DMRT3: variants seen among roughly 807,000 people sequenced by gnomAD.
The protein encoded by DMRT3 is doublesex- and mab-3-related transcription factor 3.
In DMRT3, 29 loss-of-function variants were observed where a neutral mutation model predicts 34.9. The observed-to-expected ratio is 0.83, with a 90% CI of 0.62 to 1.13. The LOEUF is 1.13. Among genes scored for constraint, DMRT3 ranks in the 50% most tolerant of loss-of-function variants. The pLI, the probability that DMRT3 is intolerant of heterozygous loss-of-function variation, is 0.00. For missense variants in DMRT3, 772 were observed against 629.1 expected (o/e 1.23, Z -2.43); for synonymous variants, 350 against 286.0 (o/e 1.22, Z -2.26).
At chr9:980,060 A>G (rs72701091) in intron 1 of DMRT3, among the ~76,000 whole-genome samples, 3,608 of 151,432 alleles carry the variant, frequency 0.024, 150 homozygotes, top group African/African-American at 0.082. Flanking sequence ...GGGGCAAAGG[A>G]CCTCTTTAAT....
rs1288275454 is a variant in DMRT3 at position 977,146 on chromosome 9, C to A, written c.145C>A (p.Arg49Ser). The A allele has an allele frequency of 6.8e-6, 11 of 1,611,526 alleles. No individual in the cohort carries two copies. The highest frequency in any genetic ancestry group is 9.3e-6 in the Non-Finnish European group (11 of 1,179,138). Residue 49 changes from arginine to serine, a missense_variant, in exon 1 of 2, where the codon CGC (arginine) becomes AGC (serine). Physicochemically the swap from Arg to Ser is moderately radical, Grantham distance 110. Transcript: ENST00000190165. ...GCTCAAGGGCCACAAGCGTTACTGC[C>A]GCTTCAAGGACTGCACCTGCGAGAA... The part of the protein sequence containing the change: ...SWLKGHKRYC[R>S]FKDCTCEKCI...
At chr9:981,710 T>C (rs1290987237) in intron 1 of DMRT3, among the ~76,000 whole-genome samples, 1 of 151,858 alleles carries the variant, frequency 6.6e-6, no homozygotes, top group Non-Finnish European at 1.5e-5. Flanking sequence ...CCACAGCGGG[T>C]TCAAAGTAGG....
intron 1 of DMRT3, among the ~76,000 whole-genome samples, chr9:987,669 T>TAG (rs930332657): frequency 6.6e-6 from 1 of 152,184 alleles, no homozygotes; most frequent in African/African-American, 2.4e-5. Flanking sequence ...GTGTGGGTCT[T>TAG]ACACTTCTTG....
intron 1 of DMRT3, among the ~76,000 whole-genome samples, chr9:986,344 G>C (rs891034413): frequency 1.3e-5 from 2 of 150,276 alleles, no homozygotes; most frequent in Non-Finnish European, 3.0e-5. Flanking sequence ...AAAAAAAAAA[G>C]CCTCCATTTT....
Position 976,661 on chromosome 9 carries a change from G to A in DMRT3, c.-341G>A, listed in dbSNP as rs1430573650. Among the ~76,000 whole-genome samples the A allele has an allele frequency of 6.6e-6, 1 of 152,230 alleles. No homozygotes were observed. Among genetic ancestry groups the A allele is most frequent in the African/African-American group, 2.4e-5 (1 of 41,466 alleles). The stretch of plus-strand genomic sequence containing the variant: ...GCCGGCTCACGAGGGAGCTGCAGAA[G>A]AGCTGGCTCAGACCTTAATCAGAGC... On this transcript the variant is annotated 5_prime_UTR_variant, in exon 1 of 2. Transcript: ENST00000190165. This position sits in a 1 kb window ranked among gnomAD's most constrained non-coding sequence, Gnocchi z 4.5.
chr9:977,609 T>G (rs1433950040), intron 1 of DMRT3, among the ~76,000 whole-genome samples, 154 bp downstream of exon 1: 1 of 151,328 alleles, frequency 6.6e-6, no homozygotes, highest in African/African-American at 2.4e-5. Flanking sequence ...GGGCTTCCTC[T>G]CCCGGGAGAA....
At chr9:981,453 G>A (rs1820219391) in intron 1 of DMRT3, among the ~76,000 whole-genome samples, 2 of 152,202 alleles carry the variant, frequency 1.3e-5, no homozygotes, top group African/African-American at 4.8e-5. Context: ...TTTTAAGACA[G>A]CTTGATTTGA....
At chr9:978,642 C>G (rs1820180645) in intron 1 of DMRT3, among the ~76,000 whole-genome samples, 1 of 152,216 alleles carries the variant, frequency 6.6e-6, no homozygotes, top group African/African-American at 2.4e-5. Context: ...GTGAGGCGGA[C>G]TCACCTGTTT....
intron 1 of DMRT3, among the ~76,000 whole-genome samples, chr9:983,908 G>GTTTT (rs33987544): frequency 6.4e-4 from 90 of 141,380 alleles, no homozygotes; most frequent in African/African-American, 1.8e-3. Flanking sequence ...AGCATGGCTA[G>GTTTT]TTTTTTTTTT....
rs774659492 is a variant in DMRT3, at chr9:990,558, G to T, written c.972G>T (p.Ser324=). Residue 324 remains serine, a synonymous_variant, in exon 2 of 2, where the codon TCG becomes TCT. Coordinates refer to ENST00000190165, the MANE Select transcript of DMRT3 (RefSeq NM_021240.4). ...ACACCTTGAGCTCCTACCCCATCTC[G>T]TCTTCCAAATGGTCTGTGGGATCAG... ...FEHTLSSYPI[S]SSKWSVGSAF... The T allele has an allele frequency of 6.2e-7, 1 of 1,613,854 alleles. No individual in the cohort carries two copies. The highest frequency in any genetic ancestry group is 2.2e-5 in the East Asian group (1 of 44,864).
At chr9:982,884 C>G (rs1044373266) in intron 1 of DMRT3, among the ~76,000 whole-genome samples, 1 of 152,176 alleles carries the variant, frequency 6.6e-6, no homozygotes, top group Non-Finnish European at 1.5e-5. Context: ...GTTGCAGCCC[C>G]TTAGCCATTA....
chr9:990,501 AGCGTT>A lies in DMRT3; in HGVS notation c.918_922del (p.Pro308GlnfsTer6), dbSNP rs1563690588. On this transcript the variant is annotated frameshift_variant, in exon 2 of 2. Transcript: ENST00000190165. LOFTEE classifies it high-confidence loss of function. ...GAACTTCCGCAGAACCTGAGAGTCT[AGCGTT>A]GCCCTCCAATGGGCACATCTTTGAA... 6.2e-7 allele frequency: 1 copy of A among 1,614,168 alleles called. No individual in the cohort carries two copies. The highest frequency in any genetic ancestry group is 2.2e-5 in the East Asian group (1 of 44,880).
intron 1 of DMRT3, among the ~76,000 whole-genome samples, chr9:983,937 C>T (rs1213940117): frequency 1.3e-5 from 2 of 148,884 alleles, no homozygotes; most frequent in Non-Finnish European, 3.0e-5. Context: ...CTTTTCACAA[C>T]CCTCCCCAAC....
intron 1 of DMRT3, among the ~76,000 whole-genome samples, chr9:982,700 C>T (rs1443641478): frequency 6.6e-6 from 1 of 152,180 alleles, no homozygotes; most frequent in Non-Finnish European, 1.5e-5. Flanking sequence ...AATCAAAGTC[C>T]CTGGAGGACT....
intron 1 of DMRT3, 29 bp from the exon 2 acceptor site, chr9:990,012 A>G (rs766876143): frequency 3.7e-6 from 6 of 1,609,780 alleles, no homozygotes; most frequent in Non-Finnish European, 5.1e-6. Flanking sequence ...ACACCAGGAA[A>G]AGATTAACTC....
In DMRT3 at chr9:990,940, A is replaced by C. The variant is rs766710625; in HGVS notation, c.1354A>C (p.Thr452Pro). 30 of 1,613,898 alleles carry C rather than the reference A, an allele frequency of 1.9e-5. No individual in the cohort carries two copies. The African/African-American group carries it at 3.6e-4, about 19-fold the overall frequency. ...CPFVSKQSIY[T>P]EDDYDERSDS... Reference sequence around the variant, plus strand: ...ATTTGTGTCAAAGCAGTCCATTTACACCGAGGACGACTATGACGAGAGGTC... The same window carrying C: ...ATTTGTGTCAAAGCAGTCCATTTACCCCGAGGACGACTATGACGAGAGGTC... The change falls in exon 2 of 2, where the codon ACC (threonine) becomes CCC (proline). Residue 452 changes from threonine (T) to proline (P), a missense_variant. By Grantham distance (38) the Thr-to-Pro change is conservative. Coordinates refer to ENST00000190165, the MANE Select transcript of DMRT3 (RefSeq NM_021240.4).
rs778998093 is a variant in DMRT3, at chr9:990,125, C to G, written c.539C>G (p.Ser180Cys). The change falls in exon 2 of 2, where the codon TCC becomes TGC. Residue 180 changes from serine to cysteine, a missense_variant. Physicochemically the swap from Ser to Cys is moderately radical, Grantham distance 112. Coordinates refer to ENST00000190165, the MANE Select transcript of DMRT3 (RefSeq NM_021240.4). ...FSDKDTDQRS[S>C]PDVAKSKGCF... is the part of the protein sequence containing the mutation. ...GACAAAGACACTGACCAGAGGAGTT[C>G]CCCAGATGTGGCAAAGAGTAAGGGC... The G allele has an allele frequency of 6.2e-7, 1 of 1,614,012 alleles. No homozygotes were observed. The highest frequency in any genetic ancestry group is 1.1e-5 in the South Asian group (1 of 91,070).
chr9:977,310 C>CGCCGCCGCCCCGCA lies in DMRT3; in HGVS notation c.310_311insCCGCCGCCCCGCAG (p.Val104AlafsTer55). ...CAGGGCCCCCGCCGCCGGGGGACGC[C>CGCCGCCGCCCCGCA]GTCGCCGCCCCGCAGCCGCCGCCAG... On this transcript the variant is annotated frameshift_variant, in exon 1 of 2. Coordinates refer to ENST00000190165, the MANE Select transcript of DMRT3 (RefSeq NM_021240.4). LOFTEE classifies it high-confidence loss of function. 1 of 1,331,060 alleles carries CGCCGCCGCCCCGCA rather than the reference C, an allele frequency of 7.5e-7. No individual in the cohort carries two copies. The highest frequency in any genetic ancestry group is 9.6e-7 in the Non-Finnish European group (1 of 1,037,888). The allele number at this position is 1,331,060 out of a possible 1,614,324, so 82.5% of individuals were successfully genotyped here.
chr9:989,966 C>T, intron 1 of DMRT3, 75 bp from the exon 2 acceptor site: 1 of 1,552,500 alleles, frequency 6.4e-7, no homozygotes, highest in Middle Eastern at 1.7e-4. Context: ...AGCACGTGTA[C>T]AGGTCTCTTC....
Sources: allele counts gnomAD v4.1 joint callset (sites outside exome capture counted in the v4.1 genomes callset), GRCh38; gene constraint gnomAD v4.1.1; non-coding constraint Gnocchi (gnomAD v3.1); transcripts MANE v1.5; gene names NCBI Gene and HGNC (gene_info 2026-07-23, HGNC 2026-07-21).